The following CHCHD6 variants were observed in gnomAD, a reference collection of about 807,000 sequenced individuals.
The protein encoded by CHCHD6 is MICOS complex subunit MIC25.
In CHCHD6, 28 loss-of-function variants were observed where a neutral mutation model predicts 32.3. The ratio of observed to expected loss-of-function variants is 0.87; its 90% CI spans 0.64 to 1.19. The LOEUF (loss-of-function observed/expected upper bound fraction) is 1.19. CHCHD6 is among the 50% of genes most tolerant of loss of function. The pLI, the probability that CHCHD6 is intolerant of heterozygous loss-of-function variation, is 0.00. For missense variants in CHCHD6, 333 were observed against 307.0 expected, an observed-to-expected ratio of 1.08 and a Z score of -0.63; for synonymous variants, 122 against 117.5, an observed-to-expected ratio of 1.04 and a Z score of -0.25.
At chr3:126,705,008 G>A (rs1228750093) in intron 1 of CHCHD6, among the ~76,000 whole-genome samples, 1 of 152,016 alleles carries the variant, frequency 6.6e-6, no homozygotes, top group African/African-American at 2.4e-5. Flanking sequence ...CATTTCCCTC[G>A]CGTGGCACCC....
At chr3:126,752,496 T>C (rs1200492366) in intron 4 of CHCHD6, among the ~76,000 whole-genome samples, 1 of 152,230 alleles carries the variant, frequency 6.6e-6, no homozygotes, top group Non-Finnish European at 1.5e-5. Context: ...CTTCCCCCGA[T>C]GTCATCCTCT....
At chr3:126,719,429 C>G (rs1351101032) in intron 1 of CHCHD6, among the ~76,000 whole-genome samples, 1 of 152,232 alleles carries the variant, frequency 6.6e-6, no homozygotes, top group East Asian at 1.9e-4. Context: ...ATAGCCGTTT[C>G]TTCTTTCATA....
At chr3:126,855,841 GT>G (rs1409693276) in intron 5 of CHCHD6, among the ~76,000 whole-genome samples, 1 of 152,174 alleles carries the variant, frequency 6.6e-6, no homozygotes, top group Admixed American at 6.5e-5. Flanking sequence ...GAGACATCGG[GT>G]TTTATTTGCA....
chr3:126,933,880 C>T (rs955030140), intron 6 of CHCHD6, among the ~76,000 whole-genome samples: 2 of 152,126 alleles, frequency 1.3e-5, no homozygotes, highest in Non-Finnish European at 1.5e-5. Flanking sequence ...CCAGTGAAAA[C>T]TGATTGCAGC....
intron 6 of CHCHD6, among the ~76,000 whole-genome samples, chr3:126,929,470 C>T (rs974233584): frequency 1.3e-5 from 2 of 152,180 alleles, no homozygotes; most frequent in African/African-American, 4.8e-5. Flanking sequence ...AGTACAGGAC[C>T]TTATGTTTAT....
chr3:126,864,070 C>A (rs1345114647), intron 5 of CHCHD6, among the ~76,000 whole-genome samples: 2 of 132,992 alleles, frequency 1.5e-5, no homozygotes, highest in South Asian at 2.8e-4. Context: ...CTCCTCTTCC[C>A]CCACAATCAC....
At position 126,865,907 on chromosome 3, in the gene CHCHD6, T is replaced by C. The variant is rs150614417; in HGVS notation, c.495+13177T>C. On this transcript the variant is annotated intron_variant, in intron 5 of 7. Coordinates refer to ENST00000290913, the MANE Select transcript of CHCHD6 (RefSeq NM_032343.3). The stretch of plus-strand genomic sequence containing the variant: ...CCTGGGCCTTGCAACCAGGCTTCTC[T>C]AGGGTAGTTGTCTGTGCCAGGAACC... 3.0e-3 allele frequency among the ~76,000 whole-genome samples: 463 copies of C among 152,308 alleles called. 3 individuals carry two copies. Among genetic ancestry groups the C allele is most frequent in the African/African-American group, 0.011 (446 of 41,562 alleles).
At chr3:126,712,875 C>T (rs535085339) in intron 1 of CHCHD6, among the ~76,000 whole-genome samples, 15 of 152,342 alleles carry the variant, frequency 9.8e-5, no homozygotes, top group Middle Eastern at 3.4e-3. Flanking sequence ...GGGACTCACC[C>T]GCATTTCTTC....
intron 4 of CHCHD6, among the ~76,000 whole-genome samples, chr3:126,750,259 G>A (rs2107667509): frequency 6.6e-6 from 1 of 152,222 alleles, no homozygotes; most frequent in East Asian, 1.9e-4. Context: ...ATCCCACAGA[G>A]TCGTCTTTGA....
chr3:126,808,925 A>G (rs1939534366), intron 4 of CHCHD6, among the ~76,000 whole-genome samples: 1 of 152,118 alleles, frequency 6.6e-6, no homozygotes, highest in Admixed American at 6.5e-5. Flanking sequence ...TCCGCAAGCA[A>G]AATGCATTGA....
intron 5 of CHCHD6, among the ~76,000 whole-genome samples, chr3:126,907,373 C>T (rs959563939): frequency 1.4e-4 from 21 of 152,322 alleles, no homozygotes; most frequent in Admixed American, 7.8e-4. Flanking sequence ...AGCCACTTAA[C>T]GAAATTAAAA....
At chr3:126,799,708 G>A (rs151088717) in intron 4 of CHCHD6, among the ~76,000 whole-genome samples, 2 of 152,156 alleles carry the variant, frequency 1.3e-5, no homozygotes, top group East Asian at 3.9e-4. Flanking sequence ...TCTTCGCCTG[G>A]TGTCCTTTTT....
At chr3:126,935,105 G>A (rs2078460093) in intron 6 of CHCHD6, 2 of 987,240 alleles carry the variant, frequency 2.0e-6, no homozygotes, top group Non-Finnish European at 2.4e-6. Flanking sequence ...GGGTTTACTT[G>A]TGAGCACGAA....
At chr3:126,766,955 A>G in intron 4 of CHCHD6, 1 of 998,632 alleles carries the variant, frequency 1.0e-6, no homozygotes, top group Non-Finnish European at 1.6e-6. Context: ...CACTTCTGGG[A>G]GTCCAGGACC....
chr3:126,704,326 A>C lies in CHCHD6; in HGVS notation c.14A>C (p.Glu5Ala), dbSNP rs753284418. MGST[E>A]SSEGRRVSFG... ...CGGCATCTCGCCATGGGGAGCACGG[A>C]GAGCAGCGAGGGCCGCAGGGTGTCC... Residue 5 changes from glutamate to alanine, a missense_variant, in exon 1 of 8, where the codon GAG becomes GCG. By Grantham distance (107) the Glu-to-Ala change is moderately radical. Transcript: ENST00000290913. 1.1e-5 allele frequency: 18 copies of C among 1,603,680 alleles called. No individual in the cohort carries two copies. The highest frequency in any genetic ancestry group is 4.5e-5 in the East Asian group (2 of 44,570).
intron 5 of CHCHD6, among the ~76,000 whole-genome samples, chr3:126,875,364 A>G (rs1344544410): frequency 2.0e-5 from 3 of 152,164 alleles, no homozygotes; most frequent in African/African-American, 7.2e-5. Context: ...AAGAGCAGAG[A>G]CCCAGGCCTG....
intron 4 of CHCHD6, among the ~76,000 whole-genome samples, chr3:126,757,686 T>G (rs2107670878): frequency 6.6e-6 from 1 of 152,288 alleles, no homozygotes. Flanking sequence ...TTAAGCAAAC[T>G]TAATACCTTC....
At chr3:126,712,626 C>T (rs1283645237) in intron 1 of CHCHD6, among the ~76,000 whole-genome samples, 1 of 152,202 alleles carries the variant, frequency 6.6e-6, no homozygotes, top group Non-Finnish European at 1.5e-5. Context: ...CTGCTCTCCG[C>T]AGTGGCACTA....
chr3:126,869,319 T>G (rs2077433717), intron 5 of CHCHD6, among the ~76,000 whole-genome samples: 2 of 146,924 alleles, frequency 1.4e-5, no homozygotes, highest in Non-Finnish European at 1.5e-5. Flanking sequence ...TTGATGACTG[T>G]GATGGGGATT....
Sources: allele counts gnomAD v4.1 joint callset (sites outside exome capture counted in the v4.1 genomes callset), GRCh38; gene constraint gnomAD v4.1.1; transcripts MANE v1.5; gene names NCBI Gene and HGNC (gene_info 2026-07-23, HGNC 2026-07-21).